The following FRMD8 variants were observed in gnomAD, a reference collection of about 807,000 sequenced individuals.
FRMD8 encodes the protein FERM domain-containing protein 8.
Under a neutral mutation model 54.2 loss-of-function variants are expected in FRMD8, and 37 were observed. The observed-to-expected ratio is 0.68, with a 90% CI of 0.53 to 0.90. The LOEUF (loss-of-function observed/expected upper bound fraction) is 0.90. FRMD8 is among the 40% of genes least tolerant of loss of function. FRMD8 has a pLI of 0.00. For missense variants in FRMD8, 585 were observed against 653.7 expected, an observed-to-expected ratio of 0.89 and a Z score of 1.15; for synonymous variants, 246 against 286.9, an observed-to-expected ratio of 0.86 and a Z score of 1.44.
rs1856342832 is a variant in FRMD8 at position 65,411,911 on chromosome 11, ACCACTCTGAGGAGGGTAGGAGGGGCCTC to A, written c.*554_*581del. ...CCATCCCCCAATACCAGGCTGGGCC[ACCACTCTGAGGAGGGTAGGAGGGGCCTC>A]CCTGGATTGAACCGGGACAGAAACA... is the stretch of plus-strand genomic sequence containing the variant. On this transcript the variant is annotated 3_prime_UTR_variant, in exon 11 of 11. Coordinates refer to ENST00000317568, the MANE Select transcript of FRMD8 (RefSeq NM_031904.5). 2 of 152,406 alleles carry A rather than the reference ACCACTCTGAGGAGGGTAGGAGGGGCCTC, an allele frequency of 1.3e-5. No individual in the cohort carries two copies. Among genetic ancestry groups the A allele is most frequent in the African/African-American group, 4.8e-5 (2 of 41,430 alleles). The allele number at this position is 152,406 out of a possible 1,614,324, so 9.4% of individuals were successfully genotyped here.
At chr11:65,372,266 C>G in the FRMD8 span, among the ~76,000 whole-genome samples, 1 of 152,176 alleles carries the variant, frequency 6.6e-6, no homozygotes, top group Admixed American at 6.6e-5. Context: ...CTTTGTCTTT[C>G]TGCCCTCCCC....
chr11:65,369,528 A>T, the FRMD8 span, among the ~76,000 whole-genome samples: 2 of 151,706 alleles, frequency 1.3e-5, no homozygotes, highest in African/African-American at 4.8e-5. Flanking sequence ...CAGGAGTTTC[A>T]GACCATCCTG....
intron 10 of FRMD8, 33 bp downstream of exon 10, chr11:65,405,101 AAC>A (rs754443259): frequency 6.3e-7 from 1 of 1,591,712 alleles, no homozygotes; most frequent in African/African-American, 1.3e-5. Context: ...TGCACACACA[AAC>A]ACGCATGCGC....
chr11:65,408,862 C>G (rs1019710942), intron 10 of FRMD8, among the ~76,000 whole-genome samples: 2 of 151,156 alleles, frequency 1.3e-5, no homozygotes, highest in Admixed American at 1.3e-4. Flanking sequence ...CCTCCCACCT[C>G]AGCCTCCCAA....
At position 65,405,124 on chromosome 11, in the gene FRMD8, CG is replaced by C. The variant is rs529113287; in HGVS notation, c.1276+62del. 1.6e-3 allele frequency: 2,524 copies of C among 1,535,310 alleles called. 3 individuals are homozygous for C. Among genetic ancestry groups the C allele is most frequent in the Non-Finnish European group, 2.0e-3 (2,275 of 1,112,798 alleles). On this transcript the variant is annotated intron_variant, in intron 10 of 10. Transcript: ENST00000317568. ...CAAACACGCATGCGCGTGCACACACCGGGGGGAGTTCCTGAGGACAGGGCAT... is the reference window on the plus strand; with the variant it reads ...CAAACACGCATGCGCGTGCACACACCGGGGGAGTTCCTGAGGACAGGGCAT...
intron 3 of FRMD8, among the ~76,000 whole-genome samples, chr11:65,390,990 C>T (rs1232913247): frequency 6.6e-6 from 1 of 152,260 alleles, no homozygotes; most frequent in Non-Finnish European, 1.5e-5. Context: ...AAAGCCACTT[C>T]AGCTGTGACT....
the FRMD8 span, among the ~76,000 whole-genome samples, chr11:65,372,152 T>A: frequency 3.3e-5 from 5 of 152,310 alleles, no homozygotes; most frequent in African/African-American, 1.2e-4. Flanking sequence ...CTTCAGGTGA[T>A]CTGCCCACCT....
rs1159182295 is a variant in FRMD8 at position 65,400,542 on chromosome 11, T to C, written c.928-182T>C. Among the ~76,000 whole-genome samples, 1 of 152,170 alleles carries C rather than the reference T, an allele frequency of 6.6e-6. No homozygotes were observed. Among genetic ancestry groups the C allele is most frequent in the Non-Finnish European group, 1.5e-5 (1 of 68,008 alleles). On this transcript the variant is annotated intron_variant, in intron 8 of 10. Coordinates refer to ENST00000317568, the MANE Select transcript of FRMD8 (RefSeq NM_031904.5). This position sits in a 1 kb window ranked among gnomAD's most constrained non-coding sequence, Gnocchi z 4.3. ...GTGGGAGAGGGGATCTCAGCTTCCCTGGACCACAGCCCCTGGCAGGCTCTG... is the reference window on the plus strand; with the variant it reads ...GTGGGAGAGGGGATCTCAGCTTCCCCGGACCACAGCCCCTGGCAGGCTCTG...
chr11:65,407,228 CATTTATTTATTTATTT>C lies in FRMD8; in HGVS notation c.1276+2186_1276+2201del, dbSNP rs66771671. Among the ~76,000 whole-genome samples, 611 of 147,200 alleles carry C rather than the reference CATTTATTTATTTATTT, an allele frequency of 4.2e-3. 4 individuals carry two copies. Among genetic ancestry groups the C allele is most frequent in the African/African-American group, 0.013 (504 of 39,826 alleles). ...TTTTTAATGCAGTAACAAAGATCTA[CATTTATTTATTTATTT>C]ATTTATTTATTTATTTATTTATTTA... is the stretch of plus-strand genomic sequence containing the variant. On this transcript the variant is annotated intron_variant, in intron 10 of 10. Transcript: ENST00000317568.
upstream of FRMD8, chr11:65,383,487 G>C (rs1253137405): frequency 6.6e-6 from 1 of 152,504 alleles, no homozygotes; most frequent in Non-Finnish European, 1.5e-5. Flanking sequence ...GCCAGGCGCA[G>C]TGGCTCACGC....
chr11:65,409,395 A>G (rs1170392437), intron 10 of FRMD8, among the ~76,000 whole-genome samples: 2 of 152,078 alleles, frequency 1.3e-5, no homozygotes, highest in Non-Finnish European at 2.9e-5. Context: ...CCGATTGCAA[A>G]TTTTTACGTG....
intron 3 of FRMD8, 48 bp downstream of exon 3, chr11:65,389,576 TGACCA>T (rs1449136287): frequency 6.6e-7 from 1 of 1,524,912 alleles, no homozygotes; most frequent in Non-Finnish European, 8.8e-7. Flanking sequence ...GGAAGGGCAC[TGACCA>T]GTACAGGAGG....
the FRMD8 span, chr11:65,380,060 C>A: frequency 6.3e-7 from 1 of 1,585,236 alleles, no homozygotes; most frequent in Non-Finnish European, 8.7e-7. Flanking sequence ...TTAGCCAGGC[C>A]TGATCTCAGG....
rs765575132 is a variant in FRMD8, at chr11:65,393,605, A to G, written c.286A>G (p.Lys96Glu). 3.1e-6 allele frequency: 5 copies of G among 1,608,994 alleles called. No individual in the cohort carries two copies. In the South Asian group the frequency reaches 4.4e-5, roughly 14 times the overall value. Residue 96 changes from lysine to glutamate, a missense_variant, in exon 4 of 11, where the codon AAG becomes GAG. Coordinates refer to ENST00000317568, the MANE Select transcript of FRMD8 (RefSeq NM_031904.5). Reference protein sequence around the residue: ...VQLKPKHQPYKLGRQWPELLL... With the variant: ...VQLKPKHQPYELGRQWPELLL... ...GCTGAAACCCAAGCACCAGCCCTAC[A>G]AGCTGGGACGCCAGTGGCCGGAGCT...
intron 3 of FRMD8, among the ~76,000 whole-genome samples, chr11:65,391,291 T>G (rs1590648338): frequency 6.6e-6 from 1 of 151,530 alleles, no homozygotes; most frequent in Non-Finnish European, 1.5e-5. Context: ...CAGGAAGGAG[T>G]CTTTTGAGCT....
chr11:65,377,105 G>C, the FRMD8 span: 3 of 1,601,912 alleles, frequency 1.9e-6, no homozygotes, highest in South Asian at 2.2e-5. Flanking sequence ...GAGGGCCCCG[G>C]GTGGGGCTTT....
Position 65,400,981 on chromosome 11 carries a change from C to A in FRMD8, c.1071+114C>A. The A allele has an allele frequency of 8.0e-7, 1 of 1,247,672 alleles. No homozygotes were observed. The highest frequency in any genetic ancestry group is 1.1e-6 in the Non-Finnish European group (1 of 917,248). 77.3% of individuals were successfully genotyped at this position (1,247,672 alleles called of 1,614,324 possible). A position where few individuals can be genotyped will look rare whatever the true frequency, so the allele number is the denominator to read the frequency against. On this transcript the variant is annotated intron_variant, in intron 9 of 10. Coordinates refer to ENST00000317568, the MANE Select transcript of FRMD8 (RefSeq NM_031904.5). The surrounding 1 kb of genome is among the most constrained non-coding windows in gnomAD (Gnocchi z 4.3). ...AAGGAGGTGAGAAGCTGCCTTGGGC[C>A]TGAGGATGAAAGCGGCCTGGGCACA...
At chr11:65,376,263 C>T in the FRMD8 span, 8 of 1,059,084 alleles carry the variant, frequency 7.6e-6, no homozygotes, top group Non-Finnish European at 1.1e-5. Context: ...TCTGCCCAGC[C>T]CAGATCTGCG....
chr11:65,389,059 A>G (rs1326469373), intron 2 of FRMD8, among the ~76,000 whole-genome samples: 1 of 152,150 alleles, frequency 6.6e-6, no homozygotes, highest in African/African-American at 2.4e-5. Context: ...TGCAATGGCC[A>G]GGCTTAATTT....
Sources: gnomAD v4.1 joint callset for allele counts (sites outside exome capture counted in the v4.1 genomes callset) on GRCh38, gnomAD v4.1.1 for gene constraint, Gnocchi (gnomAD v3.1) non-coding constraint, MANE v1.5 for transcripts, NCBI Gene and HGNC (gene_info 2026-07-23, HGNC 2026-07-21) for gene names.